CYP4F22: variants seen among roughly 807,000 people sequenced by gnomAD.
The protein encoded by CYP4F22 is cytochrome P450 family 4 subfamily F member 22.
A neutral mutation model predicts 60.4 loss-of-function variants in CYP4F22; 37 were observed. That is an observed-to-expected ratio of 0.61 (90% CI 0.47 to 0.81). The LOEUF (loss-of-function observed/expected upper bound fraction) is 0.81, where lower values mean the gene tolerates loss of function less well. CYP4F22 is among the 30% of genes least tolerant of loss of function. The pLI is 0.00. For synonymous variants in CYP4F22, 258 were observed against 280.5 expected, an observed-to-expected ratio of 0.92 and a Z score of 0.80; for missense variants, 655 against 715.0, an observed-to-expected ratio of 0.92 and a Z score of 0.96.
chr19:15,547,703 A>G (rs1427046491), intron 10 of CYP4F22, among the ~76,000 whole-genome samples: 1 of 151,814 alleles, frequency 6.6e-6, no homozygotes, highest in Non-Finnish European at 1.5e-5. Flanking sequence ...CATGCCTGTA[A>G]TCCCAGCTAC....
chr19:15,537,944 C>T lies in CYP4F22; in HGVS notation c.622C>T (p.Leu208=), dbSNP rs1156842499. 4 of 1,614,042 alleles carry T rather than the reference C, an allele frequency of 2.5e-6. No individual in the cohort carries two copies. Among genetic ancestry groups the T allele is most frequent in the East Asian group, 2.2e-5 (1 of 44,902 alleles). The change falls in exon 7 of 14, where the codon CTG becomes TTG. Residue 208 remains leucine, a synonymous_variant. Transcript: ENST00000269703. ...GTTTGAGCATATCAGCCTCATGACC[C>T]TGGACAGTCTTCAGAAATGTGTCTT... ...DMFEHISLMT[L]DSLQKCVFSY...
At chr19:15,514,746 C>T (rs1971134627) in intron 1 of CYP4F22, among the ~76,000 whole-genome samples, 4 of 152,074 alleles carry the variant, frequency 2.6e-5, no homozygotes, top group Admixed American at 1.3e-4. Flanking sequence ...TATATAGTGT[C>T]ATACCAATAA....
intron 2 of CYP4F22, among the ~76,000 whole-genome samples, chr19:15,524,957 G>A (rs1028813207): frequency 6.6e-6 from 1 of 152,162 alleles, no homozygotes; most frequent in African/African-American, 2.4e-5. Context: ...CTATATCTCA[G>A]GGTCATTGCA....
At chr19:15,545,753 G>A (rs1971519487) in intron 10 of CYP4F22, among the ~76,000 whole-genome samples, 1 of 151,380 alleles carries the variant, frequency 6.6e-6, no homozygotes, top group African/African-American at 2.4e-5. Context: ...GGTTCCTTTC[G>A]GTTCTATTTC....
chr19:15,513,014 T>TC (rs1355809442), intron 1 of CYP4F22, among the ~76,000 whole-genome samples: 5 of 128,102 alleles, frequency 3.9e-5, no homozygotes, highest in Admixed American at 7.9e-5. Context: ...CTCTCTCTCT[T>TC]TTTTGTATTA....
intron 2 of CYP4F22, among the ~76,000 whole-genome samples, chr19:15,524,004 G>A (rs1274929402): frequency 6.6e-6 from 1 of 150,614 alleles, no homozygotes; most frequent in Non-Finnish European, 1.5e-5. Context: ...AGGCTGGAGC[G>A]AGTCGTGATC....
At chr19:15,509,904 C>CCTTCTTTCTTTCTTTCTTTCTTT (rs1323141197) in intron 1 of CYP4F22, among the ~76,000 whole-genome samples, 20 of 86,690 alleles carry the variant, frequency 2.3e-4, no homozygotes, top group South Asian at 4.5e-4. Flanking sequence ...TTCCTTCCTT[C>CCTTCTTTCTTTCTTTCTTTCTTT]CTTTCTTTCT....
intron 1 of CYP4F22, among the ~76,000 whole-genome samples, chr19:15,514,278 C>G (rs1971128252): frequency 6.6e-6 from 1 of 152,206 alleles, no homozygotes; most frequent in South Asian, 2.1e-4. Flanking sequence ...AAATGTCTAA[C>G]TACATACACG....
chr19:15,524,772 T>C (rs1370525150), intron 2 of CYP4F22, among the ~76,000 whole-genome samples: 5 of 152,188 alleles, frequency 3.3e-5, no homozygotes. Flanking sequence ...ATGTACTCAA[T>C]GCCACTGAAT....
intron 1 of CYP4F22, among the ~76,000 whole-genome samples, chr19:15,512,183 G>T (rs1206023721): frequency 6.6e-6 from 1 of 152,130 alleles, no homozygotes; most frequent in Non-Finnish European, 1.5e-5. Context: ...TAGGGGGTAG[G>T]TCCTGTTATT....
At position 15,540,634 on chromosome 19, in the gene CYP4F22, C is replaced by T; in HGVS notation, c.856C>T (p.Leu286=). ...AGTCATCCAGGAACGGCGGCGGGCA[C>T]TGCGTCAGCAGGGGGCCGAGGCCTG... ...TEVIQERRRA[L]RQQGAEAWLK... is the part of the protein sequence containing the mutation. Residue 286 remains leucine, a synonymous_variant, in exon 8 of 14, where the codon CTG becomes TTG. Transcript: ENST00000269703. 6.2e-7 allele frequency: 1 copy of T among 1,614,256 alleles called. No individual in the cohort carries two copies. The highest frequency in any genetic ancestry group is 1.1e-5 in the South Asian group (1 of 91,090).
chr19:15,542,148 A>G (rs113700430), intron 8 of CYP4F22, among the ~76,000 whole-genome samples: 243 of 152,334 alleles, frequency 1.6e-3, no homozygotes, highest in African/African-American at 5.6e-3. Flanking sequence ...CTCAAGAAAT[A>G]TGAACTTCCT....
At chr19:15,531,986 G>C (rs1428372603) in intron 4 of CYP4F22, among the ~76,000 whole-genome samples, 1 of 151,910 alleles carries the variant, frequency 6.6e-6, no homozygotes, top group African/African-American at 2.4e-5. Context: ...CGTGCCTATA[G>C]TCCCAGCTAC....
intron 1 of CYP4F22, among the ~76,000 whole-genome samples, chr19:15,518,335 T>G (rs1971178464): frequency 6.6e-6 from 1 of 151,482 alleles, no homozygotes; most frequent in African/African-American, 2.4e-5. Context: ...AGACCCTGCC[T>G]CTAAAAGAAA....
intron 4 of CYP4F22, among the ~76,000 whole-genome samples, chr19:15,536,669 C>G (rs985607628): frequency 6.6e-6 from 1 of 152,166 alleles, no homozygotes; most frequent in African/African-American, 2.4e-5. Context: ...GAAGTCCATT[C>G]TGGATAGACA....
chr19:15,510,966 AT>A (rs1555726127), intron 1 of CYP4F22, among the ~76,000 whole-genome samples: 4,344 of 103,192 alleles, frequency 0.042, 163 homozygotes, highest in African/African-American at 0.12. Flanking sequence ...ATATATATAT[AT>A]TTTTTTTTTT....
intron 1 of CYP4F22, chr19:15,516,903 C>A (rs949053620): frequency 9.4e-6 from 2 of 213,570 alleles, no homozygotes; most frequent in Non-Finnish European, 1.8e-5. Context: ...GATCTTGGCT[C>A]ACTGCAACCT....
At chr19:15,511,949 G>T (rs1163493828) in intron 1 of CYP4F22, among the ~76,000 whole-genome samples, 1 of 152,222 alleles carries the variant, frequency 6.6e-6, no homozygotes, top group Non-Finnish European at 1.5e-5. Flanking sequence ...CCCTGGCAGG[G>T]CAGGGCCACC....
intron 8 of CYP4F22, among the ~76,000 whole-genome samples, chr19:15,542,044 C>T (rs892851029): frequency 6.6e-6 from 1 of 151,996 alleles, no homozygotes; most frequent in African/African-American, 2.4e-5. Context: ...ACTCTTCTTC[C>T]CAAGCCTCAG....
Sources: gnomAD v4.1 joint callset for allele counts (sites outside exome capture counted in the v4.1 genomes callset) on GRCh38, gnomAD v4.1.1 for gene constraint, MANE v1.5 for transcripts, NCBI Gene and HGNC (gene_info 2026-07-23, HGNC 2026-07-21) for gene names.